TMC5: variants seen among roughly 807,000 people sequenced by gnomAD.
TMC5 encodes transmembrane channel-like protein 5.
In TMC5, 86 loss-of-function variants were observed where a neutral mutation model predicts 110.5. The ratio of observed to expected loss-of-function variants is 0.78; its 90% CI spans 0.65 to 0.93. The LOEUF (loss-of-function observed/expected upper bound fraction) is 0.93. Ranked by LOEUF, TMC5 falls within the 40% of genes least tolerant of loss-of-function variation. The probability of loss-of-function intolerance (pLI) is 0.00; values close to 1 mark genes in which losing one functional copy is unlikely to be tolerated. For synonymous variants in TMC5, 455 were observed against 439.5 expected, an observed-to-expected ratio of 1.04 and a Z score of -0.44; for missense variants, 1,144 against 1,222.8, an observed-to-expected ratio of 0.94 and a Z score of 0.96.
intron 18 of TMC5, among the ~76,000 whole-genome samples, chr16:19,490,794 T>TTCCCC (rs1968875814): frequency 2.1e-5 from 3 of 140,524 alleles, no homozygotes; most frequent in Admixed American, 1.4e-4. Context: ...TTCTCTTCCC[T>TTCCCC]TCCCCTCCCT....
chr16:19,421,895 A>C (rs928890556), intron 1 of TMC5, among the ~76,000 whole-genome samples: 4 of 150,908 alleles, frequency 2.7e-5, no homozygotes, highest in Non-Finnish European at 5.9e-5. Flanking sequence ...GCATCACTGC[A>C]CTCTGGCCTG....
At chr16:19,478,901 T>G (rs1003603714) in intron 13 of TMC5, among the ~76,000 whole-genome samples, 2 of 152,226 alleles carry the variant, frequency 1.3e-5, no homozygotes, top group Admixed American at 1.3e-4. Flanking sequence ...GTCTATCAGC[T>G]GATAGCACTG....
upstream of TMC5, among the ~76,000 whole-genome samples, chr16:19,413,952 AC>A (rs1377758744): frequency 6.6e-6 from 1 of 152,250 alleles, no homozygotes; most frequent in Non-Finnish European, 1.5e-5. Flanking sequence ...AGGATTAAAT[AC>A]AACCCACACA....
intron 5 of TMC5, chr16:19,456,348 C>T: frequency 1.8e-6 from 1 of 555,994 alleles, no homozygotes; most frequent in Non-Finnish European, 2.3e-6. Flanking sequence ...AAATCTTGCC[C>T]TTTGACTATG....
At chr16:19,429,499 CAA>C (rs1967152669) in intron 1 of TMC5, among the ~76,000 whole-genome samples, 1 of 152,160 alleles carries the variant, frequency 6.6e-6, no homozygotes, top group African/African-American at 2.4e-5. Flanking sequence ...AAAGAGCAAT[CAA>C]GAGCAGGCAA....
intron 1 of TMC5, among the ~76,000 whole-genome samples, chr16:19,419,574 G>A (rs1172727339): frequency 1.3e-5 from 2 of 151,658 alleles, no homozygotes; most frequent in Non-Finnish European, 2.9e-5. Context: ...CACCATGCCC[G>A]GCTAATTTTT....
chr16:19,470,950 C>G (rs987049264), intron 10 of TMC5, among the ~76,000 whole-genome samples: 1 of 151,948 alleles, frequency 6.6e-6, no homozygotes, highest in South Asian at 2.1e-4. Context: ...GCTGGAGAAT[C>G]GCTTGAACCC....
chr16:19,472,395 G>C, intron 11 of TMC5, 152 bp downstream of exon 11: 1 of 855,066 alleles, frequency 1.2e-6, no homozygotes, highest in Non-Finnish European at 1.8e-6. Flanking sequence ...CAGGGGTGAG[G>C]CACAGTGGCT....
chr16:19,496,157 C>CAAAA (rs34143697), intron 20 of TMC5, among the ~76,000 whole-genome samples: 1 of 136,212 alleles, frequency 7.3e-6, no homozygotes, highest in Non-Finnish European at 1.5e-5. Context: ...GACTCCGTGT[C>CAAAA]AAAAAAAAAA....
At chr16:19,447,225 A>G (rs986045536) in intron 4 of TMC5, among the ~76,000 whole-genome samples, 1 of 152,040 alleles carries the variant, frequency 6.6e-6, no homozygotes, top group African/African-American at 2.4e-5. Flanking sequence ...ATTTAGTTCT[A>G]GTGTCCCTCT....
chr16:19,454,382 G>A (rs1967818391), intron 5 of TMC5, among the ~76,000 whole-genome samples: 1 of 152,180 alleles, frequency 6.6e-6, no homozygotes, highest in Non-Finnish European at 1.5e-5. Context: ...CTTGTTACAG[G>A]AAGGGGCCAG....
chr16:19,468,614 G>A (rs546686652), intron 9 of TMC5, among the ~76,000 whole-genome samples: 1 of 152,182 alleles, frequency 6.6e-6, no homozygotes, highest in Non-Finnish European at 1.5e-5. Context: ...GGGCCCAATG[G>A]AATCACAAGG....
intron 1 of TMC5, among the ~76,000 whole-genome samples, chr16:19,428,983 G>A (rs1034010701): frequency 2.0e-5 from 3 of 151,960 alleles, no homozygotes; most frequent in African/African-American, 4.8e-5. Flanking sequence ...GAGCCACCAC[G>A]CCTGGCTCAT....
intron 2 of TMC5, among the ~76,000 whole-genome samples, chr16:19,432,740 T>C (rs1201297135): frequency 6.6e-6 from 1 of 152,218 alleles, no homozygotes; most frequent in African/African-American, 2.4e-5. Flanking sequence ...CAAGCTCTTG[T>C]CAAATGGCAA....
chr16:19,464,537 C>G (rs918251966), intron 8 of TMC5, among the ~76,000 whole-genome samples: 2 of 152,234 alleles, frequency 1.3e-5, no homozygotes, highest in Admixed American at 6.5e-5. Flanking sequence ...TTTATCCACA[C>G]ACTTTTTTGG....
At chr16:19,425,809 C>T (rs924366455) in intron 1 of TMC5, among the ~76,000 whole-genome samples, 6 of 152,228 alleles carry the variant, frequency 3.9e-5, no homozygotes, top group African/African-American at 1.4e-4. Flanking sequence ...ACCTCAGCCT[C>T]CCAAGTAGCT....
Position 19,440,162 on chromosome 16 carries a change from C to T in TMC5, c.124C>T (p.Leu42=), listed in dbSNP as rs759024635. The T allele has an allele frequency of 7.9e-5, 127 of 1,614,080 alleles. No homozygotes were observed. Among genetic ancestry groups the T allele is most frequent in the Non-Finnish European group, 9.8e-5 (116 of 1,180,036 alleles). Residue 42 remains leucine, a synonymous_variant, in exon 3 of 22, where the codon CTG becomes TTG. Transcript: ENST00000542583. ...TQGYPDVPGP[L]NNPDYPGTRS... is the part of the protein sequence containing the mutation. The stretch of plus-strand genomic sequence containing the variant: ...AGGTTATCCAGATGTTCCAGGTCCT[C>T]TGAACAATCCAGACTACCCCGGCAC...
intron 2 of TMC5, among the ~76,000 whole-genome samples, chr16:19,438,242 A>G (rs1394404875): frequency 6.6e-6 from 1 of 151,572 alleles, no homozygotes; most frequent in East Asian, 1.9e-4. Flanking sequence ...AGAAAATGAA[A>G]AAATTAGGAC....
chr16:19,415,189 C>T (rs890900480), upstream of TMC5, among the ~76,000 whole-genome samples: 5 of 151,908 alleles, frequency 3.3e-5, no homozygotes, highest in African/African-American at 7.3e-5. Context: ...TGTCATAAAC[C>T]GAAATATGTA....
Sources: gnomAD v4.1 joint callset for allele counts (sites outside exome capture counted in the v4.1 genomes callset) on GRCh38, gnomAD v4.1.1 for gene constraint, MANE v1.5 for transcripts, NCBI Gene and HGNC (gene_info 2026-07-23, HGNC 2026-07-21) for gene names.